The following PNOC variants were observed in gnomAD, a reference collection of about 807,000 sequenced individuals.
PNOC encodes the protein nociceptin.
In PNOC, 10 loss-of-function variants were observed where a neutral mutation model predicts 15.6. The observed-to-expected ratio is 0.64, with a 90% CI of 0.40 to 1.09. PNOC has a LOEUF of 1.09. Ranked by LOEUF, PNOC falls within the 50% of genes least tolerant of loss-of-function variation. The pLI is 0.01. For missense variants in PNOC, 220 were observed against 223.9 expected, an observed-to-expected ratio of 0.98 and a Z score of 0.11; for synonymous variants, 98 against 88.5, an observed-to-expected ratio of 1.11 and a Z score of -0.60.
At chr8:28,326,049 C>T (rs1801220537) in intron 1 of PNOC, among the ~76,000 whole-genome samples, 1 of 152,060 alleles carries the variant, frequency 6.6e-6, no homozygotes, top group Non-Finnish European at 1.5e-5. Context: ...TTTCAAAACC[C>T]GTCTCAAATG....
At chr8:28,338,036 G>A (rs1801443437) in intron 2 of PNOC, among the ~76,000 whole-genome samples, 1 of 152,202 alleles carries the variant, frequency 6.6e-6, no homozygotes, top group Admixed American at 6.5e-5. Context: ...TGCCCCAGAA[G>A]GTGACCTGGA....
At chr8:28,340,481 G>C (rs1801498704) in intron 3 of PNOC, among the ~76,000 whole-genome samples, 1 of 152,136 alleles carries the variant, frequency 6.6e-6, no homozygotes, top group African/African-American at 2.4e-5. Flanking sequence ...AGAATTTTCT[G>C]AAAATTTAGG....
chr8:28,318,545 G>T (rs1000204714), intron 1 of PNOC, among the ~76,000 whole-genome samples: 1 of 152,222 alleles, frequency 6.6e-6, no homozygotes, highest in Non-Finnish European at 1.5e-5. Context: ...GCTGCTTGTG[G>T]GTGGCTACTG....
At chr8:28,340,393 C>T (rs1418719608) in intron 3 of PNOC, among the ~76,000 whole-genome samples, 1 of 152,200 alleles carries the variant, frequency 6.6e-6, no homozygotes, top group African/African-American at 2.4e-5. Context: ...AACTGATTGC[C>T]TGTTCATTCA....
At chr8:28,331,418 G>T (rs150202243) in intron 2 of PNOC, among the ~76,000 whole-genome samples, 13 of 151,912 alleles carry the variant, frequency 8.6e-5, no homozygotes, top group Middle Eastern at 3.4e-3. Context: ...CTACTGTGTT[G>T]GTTCCTTGTC....
At chr8:28,335,311 T>G (rs951258449) in intron 2 of PNOC, among the ~76,000 whole-genome samples, 1 of 152,162 alleles carries the variant, frequency 6.6e-6, no homozygotes, top group African/African-American at 2.4e-5. Flanking sequence ...CATCTTTGAG[T>G]TCTTGTTCAG....
chr8:28,338,065 C>T (rs993070366), intron 2 of PNOC, among the ~76,000 whole-genome samples: 4 of 152,192 alleles, frequency 2.6e-5, no homozygotes, highest in Admixed American at 6.5e-5. Flanking sequence ...AGGAGCTCCA[C>T]GCTATGATGA....
At chr8:28,339,657 T>C (rs1801482176) in intron 3 of PNOC, 166 bp downstream of exon 3, 3 of 490,370 alleles carry the variant, frequency 6.1e-6, no homozygotes, top group Non-Finnish European at 6.7e-6. Context: ...GCAGCAGATT[T>C]TCCTATGATT....
intron 1 of PNOC, among the ~76,000 whole-genome samples, chr8:28,328,638 A>T (rs1461296746): frequency 6.6e-6 from 1 of 151,984 alleles, no homozygotes; most frequent in Non-Finnish European, 1.5e-5. Context: ...CACTTTGCAA[A>T]ACTCCCCTTA....
chr8:28,341,940 T>TG (rs1288707101), intron 3 of PNOC, among the ~76,000 whole-genome samples: 2 of 152,140 alleles, frequency 1.3e-5, no homozygotes, highest in African/African-American at 4.8e-5. Flanking sequence ...GTCTCCATCT[T>TG]GGGGGACTCT....
intron 1 of PNOC, among the ~76,000 whole-genome samples, chr8:28,319,421 C>CGGGAGA (rs1341225813): frequency 4.6e-5 from 7 of 152,126 alleles, no homozygotes; most frequent in Non-Finnish European, 5.9e-5. Flanking sequence ...GCATTTCCTC[C>CGGGAGA]AGGCATTCCT....
intron 2 of PNOC, among the ~76,000 whole-genome samples, chr8:28,331,561 A>G (rs1408611986): frequency 6.6e-6 from 1 of 151,442 alleles, no homozygotes; most frequent in African/African-American, 2.4e-5. Flanking sequence ...ATCCTCCTGA[A>G]CTCCTCTCAC....
intron 2 of PNOC, among the ~76,000 whole-genome samples, chr8:28,333,043 G>T (rs1478655124): frequency 1.3e-5 from 2 of 152,210 alleles, no homozygotes; most frequent in Non-Finnish European, 2.9e-5. Flanking sequence ...TTCTAATGAG[G>T]TGACTTGCAG....
chr8:28,328,289 G>C (rs1252292172), intron 1 of PNOC, among the ~76,000 whole-genome samples: 1 of 151,904 alleles, frequency 6.6e-6, no homozygotes, highest in Non-Finnish European at 1.5e-5. Flanking sequence ...TGTTGGCCAG[G>C]CTGGTCTTGA....
intron 2 of PNOC, among the ~76,000 whole-genome samples, chr8:28,338,008 C>T (rs351787): frequency 1.1e-4 from 17 of 151,928 alleles, no homozygotes; most frequent in Non-Finnish European, 8.8e-5. Context: ...GAGATGAATA[C>T]GGGCCAGTTG....
chr8:28,324,601 T>C (rs1405258300), intron 1 of PNOC, among the ~76,000 whole-genome samples: 2 of 152,168 alleles, frequency 1.3e-5, no homozygotes, highest in Non-Finnish European at 2.9e-5. Flanking sequence ...TGGTGGCTCA[T>C]GTCTGTAATC....
At chr8:28,333,397 G>C (rs1801360671) in intron 2 of PNOC, among the ~76,000 whole-genome samples, 1 of 152,126 alleles carries the variant, frequency 6.6e-6, no homozygotes, top group Non-Finnish European at 1.5e-5. Flanking sequence ...CCATCAGCGT[G>C]GGCTGCCAAA....
chr8:28,329,190 C>G lies in PNOC; in HGVS notation c.33C>G (p.Leu11=), dbSNP rs962656620. The G allele has an allele frequency of 1.9e-6, 3 of 1,614,010 alleles. No individual in the cohort carries two copies. The South Asian group carries it at 3.3e-5, about 18-fold the overall frequency. ...TCCTGCTTTGTGACCTGCTGCTGCTCAGTCTCTTCTCCAGTGTGTTCAGCA... is the reference window on the plus strand; with the variant it reads ...TCCTGCTTTGTGACCTGCTGCTGCTGAGTCTCTTCTCCAGTGTGTTCAGCA... MKVLLCDLLL[L]SLFSSVFSSC... Residue 11 remains leucine (L), a synonymous_variant, in exon 2 of 4, where the codon CTC becomes CTG. Transcript: ENST00000301908.
chr8:28,318,563 C>A (rs1376048264), intron 1 of PNOC, among the ~76,000 whole-genome samples: 1 of 152,194 alleles, frequency 6.6e-6, no homozygotes, highest in Non-Finnish European at 1.5e-5. Context: ...CTGCATGCAG[C>A]CTCTTTTTTT....
Sources: gnomAD v4.1 joint callset for allele counts (sites outside exome capture counted in the v4.1 genomes callset) on GRCh38, gnomAD v4.1.1 for gene constraint, MANE v1.5 for transcripts, NCBI Gene and HGNC (gene_info 2026-07-23, HGNC 2026-07-21) for gene names.